The following GRM7 variants were observed in gnomAD, a reference collection of about 807,000 sequenced individuals.
GRM7 encodes glutamate metabotropic receptor 7.
GRM7 carries 35 observed loss-of-function variants against 84.5 expected under a neutral mutation model. That is an observed-to-expected ratio of 0.41 (90% confidence interval 0.32 to 0.55). The LOEUF is 0.55. Among genes scored for constraint, GRM7 ranks in the 20% least tolerant of loss-of-function variants. The probability of loss-of-function intolerance (pLI) is 0.19; values close to 1 mark genes in which losing one functional copy is unlikely to be tolerated. For synonymous variants in GRM7, 487 were observed against 455.1 expected, an observed-to-expected ratio of 1.07 and a Z score of -0.89; for missense variants, 1,003 against 1,194.6, an observed-to-expected ratio of 0.84 and a Z score of 2.36.
intron 1 of GRM7, among the ~76,000 whole-genome samples, chr3:6,898,599 C>T (rs1000288175): frequency 2.0e-5 from 3 of 151,944 alleles, no homozygotes; most frequent in Non-Finnish European, 2.9e-5. Context: ...TAAAAGTGAA[C>T]TTAAATTGGG....
intron 1 of GRM7, among the ~76,000 whole-genome samples, chr3:6,898,853 A>G (rs1051356718): frequency 3.3e-5 from 5 of 152,236 alleles, no homozygotes; most frequent in Admixed American, 6.5e-5. Flanking sequence ...AAAGAAAAGA[A>G]AAGAGCACTG....
chr3:7,142,119 G>T (rs1205631084), intron 1 of GRM7, among the ~76,000 whole-genome samples: 1 of 151,930 alleles, frequency 6.6e-6, no homozygotes, highest in Non-Finnish European at 1.5e-5. Context: ...ATGAATGTTA[G>T]GCTTAGGTTA....
At chr3:7,408,965 G>C (rs537291066) in intron 4 of GRM7, among the ~76,000 whole-genome samples, 31 of 152,228 alleles carry the variant, frequency 2.0e-4, no homozygotes, top group African/African-American at 7.2e-4. Flanking sequence ...AAAACGCATT[G>C]TTTTGCTAGT....
At chr3:7,624,516 AT>A (rs1293034912) in intron 8 of GRM7, among the ~76,000 whole-genome samples, 2 of 152,244 alleles carry the variant, frequency 1.3e-5, no homozygotes, top group African/African-American at 4.8e-5. Flanking sequence ...AAACCCATAT[AT>A]TGCTTCCAGG....
chr3:7,190,447 CTTCCTGGGCCTA>C (rs903785381), intron 2 of GRM7, among the ~76,000 whole-genome samples: 1 of 151,866 alleles, frequency 6.6e-6, no homozygotes, highest in African/African-American at 2.4e-5. Flanking sequence ...GACTCATGGG[CTTCCTGGGCCTA>C]TTTTTAAAGC....
chr3:7,673,058 CAATA>C (rs1695455484), intron 8 of GRM7, among the ~76,000 whole-genome samples: 1 of 151,926 alleles, frequency 6.6e-6, no homozygotes, highest in Non-Finnish European at 1.5e-5. Context: ...ATGTTATAGC[CAATA>C]AATAAATCAA....
chr3:7,308,706 G>T (rs1364000407), intron 4 of GRM7, among the ~76,000 whole-genome samples: 1 of 152,154 alleles, frequency 6.6e-6, no homozygotes, highest in Non-Finnish European at 1.5e-5. Flanking sequence ...AAGGAGGGGT[G>T]AAGGGCAAGA....
rs115896677 is a variant in GRM7 at position 7,587,748 on chromosome 3, G to A, written c.2451+8391G>A. Among the ~76,000 whole-genome samples, 1,117 of 152,268 alleles carry A rather than the reference G, an allele frequency of 7.3e-3. 12 individuals carry two copies. The highest frequency in any genetic ancestry group is 0.025 in the African/African-American group (1,050 of 41,570). On this transcript the variant is annotated intron_variant, in intron 8 of 9. Coordinates refer to ENST00000357716, the MANE Select transcript of GRM7 (RefSeq NM_000844.4). ...GGAAGATAGGCACTGGCTACCAGTCGTGATTTAAATGGACTTTCCTAATGC... is the reference window on the plus strand; with the variant it reads ...GGAAGATAGGCACTGGCTACCAGTCATGATTTAAATGGACTTTCCTAATGC...
intron 2 of GRM7, among the ~76,000 whole-genome samples, chr3:7,255,803 A>G (rs1698173658): frequency 6.6e-6 from 1 of 152,210 alleles, no homozygotes; most frequent in Non-Finnish European, 1.5e-5. Flanking sequence ...CTAACCAGCA[A>G]TAACATGTCA....
intron 5 of GRM7, among the ~76,000 whole-genome samples, chr3:7,445,954 C>G (rs1318375739): frequency 6.6e-6 from 1 of 152,040 alleles, no homozygotes; most frequent in Non-Finnish European, 1.5e-5. Flanking sequence ...TCCCCTTCAC[C>G]CAGAATATAG....
intron 7 of GRM7, among the ~76,000 whole-genome samples, chr3:7,538,646 C>G (rs901215980): frequency 2.6e-5 from 4 of 152,112 alleles, no homozygotes; most frequent in Non-Finnish European, 5.9e-5. Context: ...CAGTAAACAT[C>G]ACTGAGTGCC....
At chr3:7,539,866 A>G in intron 7 of GRM7, among the ~76,000 whole-genome samples, 1 of 152,132 alleles carries the variant, frequency 6.6e-6, no homozygotes, top group East Asian at 1.9e-4. Flanking sequence ...CTGAATCATT[A>G]AAATATTGTG....
rs1232950867 is a variant in GRM7 at position 6,862,491 on chromosome 3, C to T, written c.519+584C>T. ...TTTCCCGACCTGTAGCCAGCCTCCG[C>T]GAGAGCCCAGGGCGCGAGGTGCTGG... On this transcript the variant is annotated intron_variant, in intron 1 of 9. Coordinates refer to ENST00000357716, the MANE Select transcript of GRM7 (RefSeq NM_000844.4). The surrounding 1 kb of genome is among the most constrained non-coding windows in gnomAD (Gnocchi z 5.2). Among the ~76,000 whole-genome samples the T allele has an allele frequency of 6.6e-6, 1 of 152,182 alleles. No individual in the cohort carries two copies. Among genetic ancestry groups the T allele is most frequent in the East Asian group, 1.9e-4 (1 of 5,138 alleles).
chr3:7,081,274 T>C (rs544999976), intron 1 of GRM7, among the ~76,000 whole-genome samples: 1 of 152,196 alleles, frequency 6.6e-6, no homozygotes, highest in Admixed American at 6.6e-5. Context: ...ACGTGCTCAC[T>C]TCATGTCTCT....
intron 7 of GRM7, among the ~76,000 whole-genome samples, chr3:7,539,905 C>G (rs925739358): frequency 6.6e-6 from 1 of 152,082 alleles, no homozygotes; most frequent in African/African-American, 2.4e-5. Context: ...TAAAGAAATA[C>G]TCTCTGTATG....
At chr3:7,389,721 T>G (rs2125139433) in intron 4 of GRM7, among the ~76,000 whole-genome samples, 1 of 152,190 alleles carries the variant, frequency 6.6e-6, no homozygotes, top group African/African-American at 2.4e-5. Flanking sequence ...TCTTCATCCC[T>G]TTACTCTGAG....
intron 1 of GRM7, among the ~76,000 whole-genome samples, chr3:6,882,985 G>A (rs183761817): frequency 6.6e-5 from 10 of 152,242 alleles, no homozygotes; most frequent in African/African-American, 1.9e-4. Flanking sequence ...ACATATTGAC[G>A]TATGAGCCTA....
At chr3:7,083,920 T>C (rs116024931) in intron 1 of GRM7, among the ~76,000 whole-genome samples, 1,567 of 151,956 alleles carry the variant, frequency 0.01, 29 homozygotes, top group African/African-American at 0.036. Flanking sequence ...GGCAATGAGG[T>C]GGGAATGTGT....
At position 7,340,236 on chromosome 3, in the gene GRM7, CATATT is replaced by C. The variant is rs529917938; in HGVS notation, c.1033+33585_1033+33589del. ...ATGAATATAGTACATTTTCAATAAA[CATATT>C]GTATTAGTTCGTTCTCACACTGCTA... is the stretch of plus-strand genomic sequence containing the variant. On this transcript the variant is annotated intron_variant, in intron 4 of 9. Coordinates refer to ENST00000357716, the MANE Select transcript of GRM7 (RefSeq NM_000844.4). Among the ~76,000 whole-genome samples, 141 of 152,204 alleles carry C rather than the reference CATATT, an allele frequency of 9.3e-4. 1 individual carries two copies. The highest frequency in any genetic ancestry group is 3.2e-3 in the African/African-American group (132 of 41,546).
Sources: allele counts gnomAD v4.1 joint callset (sites outside exome capture counted in the v4.1 genomes callset), GRCh38; gene constraint gnomAD v4.1.1; non-coding constraint Gnocchi (gnomAD v3.1); transcripts MANE v1.5; gene names NCBI Gene and HGNC (gene_info 2026-07-23, HGNC 2026-07-21).